Variants in METTL21A observed in about 807,000 individuals in gnomAD.
The protein encoded by METTL21A is protein N-lysine methyltransferase METTL21A.
A neutral mutation model predicts 20.9 loss-of-function variants in METTL21A; 22 were observed. The ratio of observed to expected loss-of-function variants is 1.05; its 90% confidence interval spans 0.75 to 1.50. The LOEUF is 1.50. METTL21A is among the 40% of genes most tolerant of loss of function. METTL21A has a pLI of 0.00. For synonymous variants in METTL21A, 93 were observed against 102.0 expected (o/e 0.91, Z 0.53); for missense variants, 271 against 266.8 (o/e 1.02, Z -0.11).
chr2:207,581,865 C>G, exon 4 of METTL21A: 3 of 702,822 alleles, frequency 4.3e-6, no homozygotes, highest in Non-Finnish European at 7.8e-6. Flanking sequence ...GTTTCCTTGT[C>G]TTTGATGGCC....
intron 3 of METTL21A, among the ~76,000 whole-genome samples, chr2:207,594,384 C>A (rs1486811140): frequency 1.3e-5 from 2 of 152,228 alleles, no homozygotes; most frequent in African/African-American, 4.8e-5. Flanking sequence ...TCCCCATTTC[C>A]TCGTTCCCCC....
At chr2:207,592,598 G>A (rs2085273732) in intron 3 of METTL21A, among the ~76,000 whole-genome samples, 1 of 151,812 alleles carries the variant, frequency 6.6e-6, no homozygotes, top group Admixed American at 6.6e-5. Context: ...TTCTTCTTGT[G>A]TCTGTGGCTT....
intron 3 of METTL21A, among the ~76,000 whole-genome samples, chr2:207,588,294 A>T (rs1200708988): frequency 6.6e-6 from 1 of 152,070 alleles, no homozygotes; most frequent in Non-Finnish European, 1.5e-5. Context: ...TGTTGAAAAG[A>T]CTATTCTTTC....
chr2:207,594,430 A>G (rs1042985553), intron 3 of METTL21A, among the ~76,000 whole-genome samples: 4 of 152,140 alleles, frequency 2.6e-5, no homozygotes, highest in Non-Finnish European at 5.9e-5. Flanking sequence ...TCCTGTTTCT[A>G]TGAATTTGAT....
chr2:207,591,550 A>G (rs1168223641), intron 3 of METTL21A, among the ~76,000 whole-genome samples: 1 of 152,170 alleles, frequency 6.6e-6, no homozygotes, highest in African/African-American at 2.4e-5. Context: ...CTCGTGCCTC[A>G]GCTTCCAAAA....
chr2:207,613,650 C>G (rs183124300), intron 3 of METTL21A, among the ~76,000 whole-genome samples: 32 of 152,342 alleles, frequency 2.1e-4, no homozygotes, highest in African/African-American at 7.5e-4. Context: ...CTTGATTTGC[C>G]TCTATGACAT....
At chr2:207,591,037 G>T (rs1163706250) in intron 3 of METTL21A, among the ~76,000 whole-genome samples, 1 of 152,140 alleles carries the variant, frequency 6.6e-6, no homozygotes, top group African/African-American at 2.4e-5. Flanking sequence ...CTTCCCAGGT[G>T]TTTTATGGCC....
chr2:207,590,708 T>C (rs1394095440), intron 3 of METTL21A, among the ~76,000 whole-genome samples: 1 of 152,160 alleles, frequency 6.6e-6, no homozygotes, highest in South Asian at 2.1e-4. Flanking sequence ...TCACAACTAC[T>C]CAACTCTGCC....
intron 3 of METTL21A, among the ~76,000 whole-genome samples, chr2:207,614,195 G>A (rs2089373352): frequency 6.6e-6 from 1 of 152,114 alleles, no homozygotes. Context: ...GAGCCCAGGA[G>A]TTCAAGACCA....
chr2:207,620,110 A>AT (rs1224333618), intron 3 of METTL21A, among the ~76,000 whole-genome samples: 1 of 152,180 alleles, frequency 6.6e-6, no homozygotes, highest in African/African-American at 2.4e-5. Flanking sequence ...CCCTTATAGT[A>AT]ACTCTTATAT....
chr2:207,594,410 CTA>C (rs1397562156), intron 3 of METTL21A, among the ~76,000 whole-genome samples: 4 of 152,160 alleles, frequency 2.6e-5, no homozygotes, highest in African/African-American at 4.8e-5. Context: ...CTGGCAGCCA[CTA>C]ATGTAAGTCC....
intron 3 of METTL21A, among the ~76,000 whole-genome samples, chr2:207,588,374 A>G (rs1458400724): frequency 3.9e-5 from 6 of 151,972 alleles, no homozygotes; most frequent in Non-Finnish European, 7.4e-5. Flanking sequence ...TGTTTCTTGG[A>G]TATCTTTCCA....
intron 3 of METTL21A, chr2:207,582,247 G>A: frequency 1.4e-6 from 1 of 695,882 alleles, no homozygotes; most frequent in Middle Eastern, 2.4e-4. Context: ...GTACTTGGAG[G>A]CTATGCAGAT....
chr2:207,596,328 A>C (rs2106636791), intron 3 of METTL21A, among the ~76,000 whole-genome samples: 1 of 152,338 alleles, frequency 6.6e-6, no homozygotes, highest in Non-Finnish European at 1.5e-5. Flanking sequence ...AGTTATTGAT[A>C]TGGATAGAAT....
intron 3 of METTL21A, among the ~76,000 whole-genome samples, chr2:207,593,719 CTT>C (rs5838079): frequency 2.9e-3 from 295 of 102,640 alleles, no homozygotes; most frequent in Middle Eastern, 4.9e-3. Flanking sequence ...TCCTCACAAA[CTT>C]TTTTTTTTTT....
chr2:207,592,745 C>T (rs1036057157), intron 3 of METTL21A, among the ~76,000 whole-genome samples: 4 of 151,870 alleles, frequency 2.6e-5, no homozygotes, highest in Non-Finnish European at 5.9e-5. Context: ...ATGGTGAAAC[C>T]CCGTCTCTAC....
chr2:207,593,804 T>A (rs1385932737), intron 3 of METTL21A, among the ~76,000 whole-genome samples: 1 of 151,234 alleles, frequency 6.6e-6, no homozygotes, highest in African/African-American at 2.4e-5. Flanking sequence ...CTGCAATCTC[T>A]GCCTCCTGGG....
chr2:207,620,870 T>C, intron 3 of METTL21A: 3 of 546,254 alleles, frequency 5.5e-6, no homozygotes, highest in South Asian at 2.3e-5. Flanking sequence ...TAGCTGGTCC[T>C]CAAATATCTG....
intron 3 of METTL21A, among the ~76,000 whole-genome samples, chr2:207,586,689 G>A (rs1182241641): frequency 6.6e-6 from 1 of 152,094 alleles, no homozygotes; most frequent in African/African-American, 2.4e-5. Flanking sequence ...GATATATAAG[G>A]AACTCAACCG....
Sources: allele counts gnomAD v4.1 joint callset (sites outside exome capture counted in the v4.1 genomes callset), GRCh38; gene constraint gnomAD v4.1.1; transcripts MANE v1.5; gene names NCBI Gene and HGNC (gene_info 2026-07-23, HGNC 2026-07-21).